The following SOX6 variants were observed in gnomAD, a reference collection of about 807,000 sequenced individuals.
The protein encoded by SOX6 is transcription factor SOX-6.
A neutral mutation model predicts 97.8 loss-of-function variants in SOX6; 11 were observed. The ratio of observed to expected loss-of-function variants is 0.11; its 90% CI spans 0.07 to 0.19. SOX6 has a LOEUF of 0.19. Among genes scored for constraint, SOX6 ranks in the 10% least tolerant of loss-of-function variants. The pLI, the probability that SOX6 is intolerant of heterozygous loss-of-function variation, is 1.00. For missense variants in SOX6, 810 were observed against 1,039.5 expected, an observed-to-expected ratio of 0.78 and a Z score of 3.04; for synonymous variants, 360 against 371.4, an observed-to-expected ratio of 0.97 and a Z score of 0.35.
intron 4 of SOX6, among the ~76,000 whole-genome samples, chr11:16,499,891 A>G (rs1860672502): frequency 6.6e-6 from 1 of 152,166 alleles, no homozygotes; most frequent in South Asian, 2.1e-4. Context: ...ACAAGGAGGA[A>G]CTGGTACCAT....
At chr11:16,531,691 G>A (rs1861238658) in intron 4 of SOX6, among the ~76,000 whole-genome samples, 1 of 151,822 alleles carries the variant, frequency 6.6e-6, no homozygotes, top group African/African-American at 2.4e-5. Flanking sequence ...TCCACTCGCA[G>A]ACTTGGTCTT....
intron 6 of SOX6, among the ~76,000 whole-genome samples, chr11:16,121,351 C>G (rs1410614240): frequency 6.6e-6 from 1 of 152,016 alleles, no homozygotes; most frequent in Non-Finnish European, 1.5e-5. Context: ...CTATTAGACT[C>G]ATGAGAAACA....
intron 3 of SOX6, among the ~76,000 whole-genome samples, chr11:16,628,109 T>G (rs971553049): frequency 1.3e-5 from 2 of 152,218 alleles, no homozygotes; most frequent in Non-Finnish European, 2.9e-5. Context: ...GTTGTAGGTA[T>G]GTGGCTTTAT....
chr11:16,314,575 G>C (rs115886298), intron 3 of SOX6: 3 of 152,014 alleles, frequency 2.0e-5, no homozygotes, highest in South Asian at 2.1e-4. Flanking sequence ...TCTAGCATAG[G>C]GATTCTTAAC....
intron 9 of SOX6, among the ~76,000 whole-genome samples, chr11:16,062,949 A>T (rs1433387725): frequency 2.0e-5 from 3 of 151,766 alleles, no homozygotes; most frequent in Non-Finnish European, 4.4e-5. Context: ...CCAAGATCAT[A>T]TAATTAGTAT....
intron 4 of SOX6, among the ~76,000 whole-genome samples, chr11:16,199,322 A>G (rs561506585): frequency 2.0e-5 from 3 of 152,298 alleles, no homozygotes; most frequent in South Asian, 2.1e-4. Context: ...TTTTAGCACA[A>G]ATGATCGTCC....
At chr11:16,667,101 C>T (rs971789895) in intron 3 of SOX6, among the ~76,000 whole-genome samples, 6 of 150,318 alleles carry the variant, frequency 4.0e-5, no homozygotes, top group Non-Finnish European at 7.4e-5. Flanking sequence ...TAGTGGTGCA[C>T]ACCTGTCCCA....
intron 1 of SOX6, among the ~76,000 whole-genome samples, chr11:16,350,451 A>C (rs1281180390): frequency 1.3e-5 from 2 of 152,172 alleles, no homozygotes; most frequent in Admixed American, 6.6e-5. Context: ...TGTTCTTAGA[A>C]CTTTCAAATA....
At chr11:16,204,600 A>G (rs1022022375) in intron 4 of SOX6, among the ~76,000 whole-genome samples, 2 of 152,150 alleles carry the variant, frequency 1.3e-5, no homozygotes, top group Admixed American at 6.5e-5. Flanking sequence ...ACTTTCCCCA[A>G]TCAGCCCAGC....
At chr11:16,454,949 T>C (rs1230336292) in intron 1 of SOX6, among the ~76,000 whole-genome samples, 1 of 152,098 alleles carries the variant, frequency 6.6e-6, no homozygotes, top group African/African-American at 2.4e-5. Flanking sequence ...CCTTTAATTC[T>C]GATCTCTTAG....
At chr11:16,514,142 G>C (rs1436938054) in intron 4 of SOX6, among the ~76,000 whole-genome samples, 1 of 149,684 alleles carries the variant, frequency 6.7e-6, no homozygotes, top group Non-Finnish European at 1.5e-5. Context: ...CTTCAGCCCA[G>C]ATGGTCAAGG....
chr11:16,505,783 C>T (rs1846209053), intron 4 of SOX6, among the ~76,000 whole-genome samples: 2 of 152,210 alleles, frequency 1.3e-5, no homozygotes, highest in African/African-American at 4.8e-5. Flanking sequence ...CCAGCTCCAG[C>T]TCCAGCCATG....
intron 3 of SOX6, among the ~76,000 whole-genome samples, chr11:16,260,217 G>T (rs1018321760): frequency 4.6e-5 from 7 of 151,910 alleles, no homozygotes; most frequent in Admixed American, 2.6e-4. Flanking sequence ...AGCCACGATG[G>T]TCTCGATCTC....
At chr11:16,701,748 C>T (rs1184410637) in intron 3 of SOX6, among the ~76,000 whole-genome samples, 2 of 26,866 alleles carry the variant, frequency 7.4e-5, no homozygotes, top group Non-Finnish European at 1.4e-4. Flanking sequence ...CCCAGCTACT[C>T]AGGGGCGGGC....
chr11:16,620,911 CTTATT>C (rs894644622), intron 3 of SOX6, among the ~76,000 whole-genome samples: 105 of 152,224 alleles, frequency 6.9e-4, no homozygotes, highest in African/African-American at 2.4e-3. Context: ...TGGACTTGTT[CTTATT>C]TTATTTCCTA....
intron 1 of SOX6, among the ~76,000 whole-genome samples, chr11:16,421,012 G>A (rs913205761): frequency 7.2e-5 from 11 of 152,062 alleles, no homozygotes; most frequent in African/African-American, 1.9e-4. Context: ...TTCAGATAAC[G>A]AAGAGAATAC....
chr11:16,722,178 T>C (rs1171191017), intron 2 of SOX6, among the ~76,000 whole-genome samples: 1 of 151,822 alleles, frequency 6.6e-6, no homozygotes. Context: ...AAAACTATAA[T>C]AAACTTAAGA....
In SOX6 at chr11:16,292,976, T is replaced by G. The variant is rs538827758; in HGVS notation, c.445+25470A>C. On this transcript the variant is annotated intron_variant, in intron 3 of 15. Coordinates refer to ENST00000683767, the MANE Select transcript of SOX6 (RefSeq NM_001367873.1). ...TAATTTTTAAATCATTTAAACCGCT[T>G]AATCTCATCTCAATCACATCAAATA... Among the ~76,000 whole-genome samples the G allele has an allele frequency of 9.8e-5, 15 of 152,312 alleles. No individual in the cohort carries two copies. In the East Asian group the frequency reaches 2.9e-3, roughly 29 times the overall value.
intron 4 of SOX6, among the ~76,000 whole-genome samples, chr11:16,206,292 T>A (rs554062369): frequency 1.3e-5 from 2 of 152,268 alleles, no homozygotes; most frequent in Non-Finnish European, 2.9e-5. Context: ...TATCTCTTTA[T>A]ATTTACAAAA....
Sources: allele counts gnomAD v4.1 joint callset (sites outside exome capture counted in the v4.1 genomes callset), GRCh38; gene constraint gnomAD v4.1.1; transcripts MANE v1.5; gene names NCBI Gene and HGNC (gene_info 2026-07-23, HGNC 2026-07-21).